Variants in LARS2 observed in about 807,000 individuals in gnomAD.
The protein encoded by LARS2 is leucyl-tRNA synthetase 2, mitochondrial, also known as leucine--tRNA ligase, mitochondrial.
Under a neutral mutation model 116.6 loss-of-function variants are expected in LARS2, and 81 were observed. That is an observed-to-expected ratio of 0.69 (90% confidence interval 0.58 to 0.84). The LOEUF (loss-of-function observed/expected upper bound fraction) is 0.84, where lower values mean the gene tolerates loss of function less well. Ranked by LOEUF, LARS2 falls within the 40% of genes least tolerant of loss-of-function variation. The pLI is 0.00. For missense variants in LARS2, 968 were observed against 1,114.5 expected (o/e 0.87, Z 1.87); for synonymous variants, 396 against 407.2 (o/e 0.97, Z 0.33).
intron 20 of LARS2, among the ~76,000 whole-genome samples, chr3:45,529,096 T>G (rs1228949376): frequency 1.3e-5 from 2 of 152,080 alleles, no homozygotes; most frequent in Non-Finnish European, 2.9e-5. Context: ...TCAAAACTTC[T>G]GACCTCAGGG....
intron 16 of LARS2, 86 bp from the exon 17 acceptor site, chr3:45,516,008 C>T (rs1700364460): frequency 3.9e-6 from 4 of 1,025,806 alleles, no homozygotes; most frequent in South Asian, 1.7e-5. Context: ...TTCCATCGCT[C>T]ACCCAGTTTT....
chr3:45,399,885 G>A (rs1338283469), intron 3 of LARS2, among the ~76,000 whole-genome samples: 2 of 151,458 alleles, frequency 1.3e-5, no homozygotes, highest in African/African-American at 2.4e-5. Context: ...AAGATGTTTG[G>A]TTTTCCATTC....
At chr3:45,475,812 T>C (rs1474126828) in intron 9 of LARS2, among the ~76,000 whole-genome samples, 1 of 152,190 alleles carries the variant, frequency 6.6e-6, no homozygotes, top group Non-Finnish European at 1.5e-5. Flanking sequence ...AGACTGTCTT[T>C]TAGTTCATTA....
intron 21 of LARS2, among the ~76,000 whole-genome samples, chr3:45,546,931 G>A (rs1201731972): frequency 6.6e-6 from 1 of 152,202 alleles, no homozygotes; most frequent in African/African-American, 2.4e-5. Flanking sequence ...TAAAATCTGA[G>A]GGGACAGCTC....
At chr3:45,482,447 G>A (rs13322487) in intron 10 of LARS2, among the ~76,000 whole-genome samples, 1,651 of 152,132 alleles carry the variant, frequency 0.011, 24 homozygotes, top group African/African-American at 0.038. Context: ...TTTCTACATG[G>A]TTTCTGAGAG....
intron 15 of LARS2, among the ~76,000 whole-genome samples, chr3:45,510,863 C>T (rs1290035087): frequency 6.6e-6 from 1 of 152,188 alleles, no homozygotes; most frequent in African/African-American, 2.4e-5. Context: ...CAGGCTGGCT[C>T]CCCAAGGGCA....
chr3:45,431,086 T>G (rs1698704311), intron 6 of LARS2, among the ~76,000 whole-genome samples: 1 of 152,048 alleles, frequency 6.6e-6, no homozygotes, highest in South Asian at 2.1e-4. Context: ...TCCCGCCGAG[T>G]CCGTATCTCT....
intron 8 of LARS2, among the ~76,000 whole-genome samples, chr3:45,469,014 G>A (rs571688856): frequency 6.6e-6 from 1 of 152,190 alleles, no homozygotes; most frequent in African/African-American, 2.4e-5. Context: ...TGGCTGCTTG[G>A]TGCCTCTTTT....
intron 9 of LARS2, 28 bp downstream of exon 9, chr3:45,474,378 T>C (rs1699578990): frequency 2.1e-6 from 3 of 1,440,808 alleles, no homozygotes; most frequent in Middle Eastern, 1.8e-4. Context: ...GCTCCAGCAA[T>C]TCATGATCAC....
intron 6 of LARS2, among the ~76,000 whole-genome samples, chr3:45,444,609 A>G (rs185351626): frequency 0.02 from 2,447 of 124,496 alleles, 50 homozygotes; most frequent in African/African-American, 0.062. Flanking sequence ...GCTTGCAGTG[A>G]GCCGAGATCC....
intron 20 of LARS2, among the ~76,000 whole-genome samples, chr3:45,531,829 A>G (rs1575317369): frequency 6.6e-6 from 1 of 152,352 alleles, no homozygotes; most frequent in African/African-American, 2.4e-5. Flanking sequence ...ATTTGTTGTG[A>G]TGGGAATGTT....
intron 8 of LARS2, among the ~76,000 whole-genome samples, chr3:45,461,595 GT>G (rs1208802208): frequency 6.6e-6 from 1 of 152,180 alleles, no homozygotes; most frequent in Non-Finnish European, 1.5e-5. Flanking sequence ...TCAGATTTAT[GT>G]TTTTATAAGA....
intron 20 of LARS2, among the ~76,000 whole-genome samples, chr3:45,527,404 C>T (rs1700546890): frequency 6.6e-6 from 1 of 152,140 alleles, no homozygotes. Flanking sequence ...GCAGGTGGAT[C>T]ATGAGGTCAA....
chr3:45,459,491 G>A (rs1352043024), intron 8 of LARS2, among the ~76,000 whole-genome samples: 1 of 152,224 alleles, frequency 6.6e-6, no homozygotes, highest in African/African-American at 2.4e-5. Flanking sequence ...TTGGGCCTTA[G>A]TTTTCTCATC....
chr3:45,472,591 C>T (rs1312824832), intron 8 of LARS2, among the ~76,000 whole-genome samples: 1 of 152,202 alleles, frequency 6.6e-6, no homozygotes, highest in Non-Finnish European at 1.5e-5. Flanking sequence ...GCAGATGGAT[C>T]TCTAATACAT....
chr3:45,433,681 C>T (rs1400558694), intron 6 of LARS2, among the ~76,000 whole-genome samples: 2 of 152,050 alleles, frequency 1.3e-5, no homozygotes, highest in Non-Finnish European at 2.9e-5. Context: ...CCTATTTTTG[C>T]ATCTCTCATT....
chr3:45,458,741 AG>A lies in LARS2; in HGVS notation c.607del. On this transcript the variant is annotated splice_acceptor_variant, in intron 7 of 21. Coordinates refer to ENST00000645846, the MANE Select transcript of LARS2 (RefSeq NM_015340.4). LOFTEE classifies it high-confidence loss of function. ...TGCCATTTTGTTTCATGAATTATACAGGCCCTGGTTAACTGGGACCCAGTGG... is the reference window on the plus strand; with the variant it reads ...TGCCATTTTGTTTCATGAATTATACAGCCCTGGTTAACTGGGACCCAGTGG... The A allele has an allele frequency of 6.2e-7, 1 of 1,614,074 alleles. No individual in the cohort carries two copies. Among genetic ancestry groups the A allele is most frequent in the South Asian group, 1.1e-5 (1 of 91,076 alleles).
At position 45,548,498 on chromosome 3, in the gene LARS2, G is replaced by A. The variant is rs1575326393; in HGVS notation, c.*968G>A. ...TAGGAAGAGCAAGCTCACCACAGAG[G>A]AGTGGAACTGAGGCCCCCCAGATGT... On this transcript the variant is annotated 3_prime_UTR_variant, in exon 22 of 22. Coordinates refer to ENST00000645846, the MANE Select transcript of LARS2 (RefSeq NM_015340.4). 2 of 152,274 alleles carry A rather than the reference G, an allele frequency of 1.3e-5. No individual in the cohort carries two copies. The highest frequency in any genetic ancestry group is 2.4e-5 in the African/African-American group (1 of 41,462). The allele number at this position is 152,274 out of a possible 1,614,324, so 9.4% of individuals were successfully genotyped here.
At chr3:45,544,494 A>C (rs1425098766) in intron 21 of LARS2, among the ~76,000 whole-genome samples, 1 of 152,128 alleles carries the variant, frequency 6.6e-6, no homozygotes, top group Admixed American at 6.5e-5. Context: ...AAATCCTCTT[A>C]ATACAGAGTG....
Sources: gnomAD v4.1 joint callset for allele counts (sites outside exome capture counted in the v4.1 genomes callset) on GRCh38, gnomAD v4.1.1 for gene constraint, MANE v1.5 for transcripts, NCBI Gene and HGNC (gene_info 2026-07-23, HGNC 2026-07-21) for gene names.